The following CLDN15 variants were observed in gnomAD, a reference collection of about 807,000 sequenced individuals.
CLDN15 encodes the protein claudin 15, also known as claudin-15.
Under a neutral mutation model 24.5 loss-of-function variants are expected in CLDN15, and 9 were observed. The observed-to-expected ratio is 0.37, with a 90% CI of 0.22 to 0.64. The LOEUF (loss-of-function observed/expected upper bound fraction) is 0.64, where lower values mean the gene tolerates loss of function less well. Ranked by LOEUF, CLDN15 falls within the 30% of genes least tolerant of loss-of-function variation. The pLI is 0.63. For synonymous variants in CLDN15, 149 were observed against 131.4 expected (o/e 1.13, Z -0.92); for missense variants, 248 against 305.9 (o/e 0.81, Z 1.41).
rs1342721471 is a variant in CLDN15, at chr7:101,232,498, T to G, written c.599A>C (p.Gln200Pro). The change falls in exon 5 of 5, where the codon CAG becomes CCG. Residue 200 changes from glutamine (Q) to proline (P), a missense_variant. Physicochemically the swap from Gln to Pro is moderately conservative, Grantham distance 76 (BLOSUM62 -1). Coordinates refer to ENST00000308344, the MANE Select transcript of CLDN15 (RefSeq NM_014343.3). The stretch of plus-strand genomic sequence containing the variant: ...GACGGGCATCACGGACACTGGAGCC[T>G]GGTAGGGCCGCCGGGCGCTGCGGGG... ...DPAASARRPYQAPVSVMPVAT... is the reference protein window; with the variant it reads ...DPAASARRPYPAPVSVMPVAT... The G allele has an allele frequency of 1.9e-6, 3 of 1,612,766 alleles. No individual in the cohort carries two copies. Among genetic ancestry groups the G allele is most frequent in the Non-Finnish European group, 2.5e-6 (3 of 1,179,270 alleles).
chr7:101,232,546 G>T (rs879087752), intron 4 of CLDN15, 31 bp from the exon 5 acceptor site: 1 of 1,595,748 alleles, frequency 6.3e-7, no homozygotes. Flanking sequence ...CAGAGCGGGG[G>T]CGCGGCCCTC....
chr7:101,237,816 G>A (rs1241417714), upstream of CLDN15: 2 of 567,768 alleles, frequency 3.5e-6, no homozygotes, highest in Admixed American at 3.0e-5. The surrounding 1 kb of genome is among the most constrained non-coding windows in gnomAD (Gnocchi z 4.0). Context: ...CTAAGCCTGC[G>A]CGCGGCAGCT....
chr7:101,234,558 C>T, intron 1 of CLDN15, 116 bp from the exon 2 acceptor site: 1 of 710,314 alleles, frequency 1.4e-6, no homozygotes, highest in Middle Eastern at 2.6e-4. Context: ...TCCCCAGTAG[C>T]TGGGATTACA....
chr7:101,238,617 G>T (rs1422393021), upstream of CLDN15: 1 of 152,198 alleles, frequency 6.6e-6, no homozygotes, highest in Non-Finnish European at 1.5e-5. Context: ...GGCCACCAGG[G>T]AGTCGCTCTC....
At chr7:101,236,260 T>TGG (rs1033212629) in intron 1 of CLDN15, among the ~76,000 whole-genome samples, 328 of 144,974 alleles carry the variant, frequency 2.3e-3, no homozygotes, top group Non-Finnish European at 2.1e-3. Context: ...GGGTTTTTTT[T>TGG]GGGGGGGGGG....
Position 101,232,618 on chromosome 7 carries a change from C to G in CLDN15, c.567G>C (p.Glu189Asp), listed in dbSNP as rs757331029. The G allele has an allele frequency of 1.9e-6, 3 of 1,590,180 alleles. No homozygotes were observed. Among genetic ancestry groups the G allele is most frequent in the Non-Finnish European group, 1.7e-6 (2 of 1,168,698 alleles). Residue 189 changes from glutamate (E) to aspartate (D), a missense_variant, in exon 4 of 5, where the codon GAG becomes GAC. Coordinates refer to ENST00000308344, the MANE Select transcript of CLDN15 (RefSeq NM_014343.3). Reference protein sequence around the residue: ...LCSACCCGSDEDPAASARRPY... With the variant: ...LCSACCCGSDDDPAASARRPY... ...ACCCTGCTCACCTGGCGGCTGGGTCCTCGTCAGAGCCGCAGCAGCAGGCGG... is the reference window on the plus strand; with the variant it reads ...ACCCTGCTCACCTGGCGGCTGGGTCGTCGTCAGAGCCGCAGCAGCAGGCGG...
At chr7:101,233,313 C>T (rs1798539656) in intron 2 of CLDN15, among the ~76,000 whole-genome samples, 1 of 152,078 alleles carries the variant, frequency 6.6e-6, no homozygotes, top group South Asian at 2.1e-4. Flanking sequence ...CATGGGAGTC[C>T]AGGGTCGTCC....
At chr7:101,234,676 C>G (rs1798591077) in intron 1 of CLDN15, among the ~76,000 whole-genome samples, 1 of 152,052 alleles carries the variant, frequency 6.6e-6, no homozygotes, top group Non-Finnish European at 1.5e-5. Flanking sequence ...ATCTGCTTGC[C>G]TCGGCCTCCT....
At chr7:101,238,688 T>A (rs781219293), upstream of CLDN15, 21 of 152,280 alleles carry the variant, frequency 1.4e-4, no homozygotes, top group Admixed American at 6.5e-5. Context: ...CTGGTCCTGC[T>A]GGCCAACAGC....
At position 101,237,347 on chromosome 7, in the gene CLDN15, G is replaced by A. The variant is rs1283953148; in HGVS notation, c.217+18C>T. On this transcript the variant is annotated intron_variant, in intron 1 of 4. Transcript: ENST00000308344. This position sits in a 1 kb window ranked among gnomAD's most constrained non-coding sequence, Gnocchi z 4.0. ...TTCCCCGCCGCCCTCTCTCCCTGGA[G>A]CGCTCCCCACCCCATACCAGAGAGG... is the stretch of plus-strand genomic sequence containing the variant. 2 of 1,547,224 alleles carry A rather than the reference G, an allele frequency of 1.3e-6. No individual in the cohort carries two copies. Among genetic ancestry groups the A allele is most frequent in the Non-Finnish European group, 1.8e-6 (2 of 1,128,682 alleles).
At chr7:101,236,852 G>GC (rs750032977) in intron 1 of CLDN15, 4 of 1,277,304 alleles carry the variant, frequency 3.1e-6, no homozygotes, top group South Asian at 2.5e-5. Context: ...GGAGACCAGT[G>GC]CCCCCCGACA....
At chr7:101,235,490 T>G (rs1378538750) in intron 1 of CLDN15, among the ~76,000 whole-genome samples, 1 of 152,188 alleles carries the variant, frequency 6.6e-6, no homozygotes, top group Non-Finnish European at 1.5e-5. Flanking sequence ...TAGCTCAGTC[T>G]TTCAGTGCCT....
At position 101,232,476 on chromosome 7, in the gene CLDN15, G is replaced by A. The variant is rs200846307; in HGVS notation, c.621C>T (p.Pro207=). The A allele has an allele frequency of 8.1e-5, 131 of 1,613,412 alleles. No individual in the cohort carries two copies. The highest frequency in any genetic ancestry group is 1.1e-4 in the Non-Finnish European group (124 of 1,179,570). ...CGCCTTCTTGGTCCGAGGTGGCGAC[G>A]GGCATCACGGACACTGGAGCCTGGT... ...RPYQAPVSVM[P]VATSDQEGDS... is the part of the protein sequence containing the mutation. Residue 207 remains proline, a synonymous_variant, in exon 5 of 5, where the codon CCC becomes CCT. Coordinates refer to ENST00000308344, the MANE Select transcript of CLDN15 (RefSeq NM_014343.3).
At position 101,232,674 on chromosome 7, in the gene CLDN15, T is replaced by C; in HGVS notation, c.511A>G (p.Ile171Val). ...AGGCAGAGGCCACCCAGGATGGAGA[T>C]CAGTGAGGCGCTCCACCCCAGGTAG... ...ALYLGWSASL[I>V]SILGGLCLCS... Residue 171 changes from isoleucine to valine, a missense_variant, in exon 4 of 5, where the codon ATC becomes GTC. Coordinates refer to ENST00000308344, the MANE Select transcript of CLDN15 (RefSeq NM_014343.3). The C allele has an allele frequency of 2.5e-6, 4 of 1,592,172 alleles. No individual in the cohort carries two copies. Among genetic ancestry groups the C allele is most frequent in the Non-Finnish European group, 2.6e-6 (3 of 1,169,954 alleles).
At position 101,232,184 on chromosome 7, in the gene CLDN15, G is replaced by T; in HGVS notation, c.*226C>A. 1 of 536,182 alleles carries T rather than the reference G, an allele frequency of 1.9e-6. No individual in the cohort carries two copies. Among genetic ancestry groups the T allele is most frequent in the Admixed American group, 3.5e-5 (1 of 28,872 alleles). 33.2% of individuals were successfully genotyped at this position (536,182 alleles called of 1,614,324 possible). A position where few individuals can be genotyped will look rare whatever the true frequency, so the allele number is the denominator to read the frequency against. On this transcript the variant is annotated 3_prime_UTR_variant, in exon 5 of 5. Coordinates refer to ENST00000308344, the MANE Select transcript of CLDN15 (RefSeq NM_014343.3). The stretch of plus-strand genomic sequence containing the variant: ...TCCCCTTCACAGCCCAGAACCCAGG[G>T]TCAGAAGATGAGGGATCCAGCCTCA...
At chr7:101,233,110 G>C (rs574527594) in intron 2 of CLDN15, among the ~76,000 whole-genome samples, 196 bp from the exon 3 acceptor site, 11 of 152,146 alleles carry the variant, frequency 7.2e-5, no homozygotes, top group Admixed American at 5.2e-4. Flanking sequence ...TCTCAGGGTA[G>C]CCCTTAGGCC....
At chr7:101,234,009 G>A in intron 2 of CLDN15, 2 of 655,068 alleles carry the variant, frequency 3.1e-6, no homozygotes, top group Non-Finnish European at 5.6e-6. Context: ...AGCTCCCGGA[G>A]GCAGCCGCTC....
At chr7:101,233,934 G>A (rs1798571028) in intron 2 of CLDN15, 2 of 441,378 alleles carry the variant, frequency 4.5e-6, no homozygotes, top group South Asian at 3.7e-5. Context: ...GTATGGCACT[G>A]TGGACGTGCA....
chr7:101,236,837 G>C, intron 1 of CLDN15: 4 of 1,289,610 alleles, frequency 3.1e-6, no homozygotes, highest in Non-Finnish European at 4.1e-6. Context: ...ACATCAGCCG[G>C]ACAAGGAGAC....
Sources: allele counts gnomAD v4.1 joint callset (sites outside exome capture counted in the v4.1 genomes callset), GRCh38; gene constraint gnomAD v4.1.1; non-coding constraint Gnocchi (gnomAD v3.1); transcripts MANE v1.5; gene names NCBI Gene and HGNC (gene_info 2026-07-23, HGNC 2026-07-21).